The following HMGB3 variants were observed in gnomAD, a reference collection of about 807,000 sequenced individuals.
The protein encoded by HMGB3 is high mobility group box 3.
HMGB3 carries 1 observed loss-of-function variant against 12.9 expected under a neutral mutation model. The ratio of observed to expected loss-of-function variants is 0.08; its 90% CI spans 0.03 to 0.37. The LOEUF (loss-of-function observed/expected upper bound fraction) is 0.37, where lower values mean the gene tolerates loss of function less well. Ranked by LOEUF, HMGB3 falls within the 10% of genes least tolerant of loss-of-function variation. HMGB3 has a pLI of 0.99. For synonymous variants in HMGB3, 61 were observed against 53.9 expected (o/e 1.13, Z -0.57); for missense variants, 74 against 153.3 (o/e 0.48, Z 2.73).
intron 1 of HMGB3, 167 bp downstream of exon 1, chrX:150,983,543 C>G: frequency 1.3e-6 from 1 of 744,537 alleles, no homozygotes; most frequent in Non-Finnish European, 1.6e-6. Context: ...CTTCCCGCCC[C>G]CTCCGCCTTC....
At position 150,985,371 on chromosome X, in the gene HMGB3, A is replaced by G. The variant is rs142676597; in HGVS notation, c.-5-224A>G. 7.6e-4 allele frequency among the ~76,000 whole-genome samples: 85 copies of G among 112,064 alleles called. No homozygotes were observed. In the East Asian group the frequency reaches 0.021, roughly 28 times the overall value. ...TGATCGCTTTTGAGAAGTAACTCGCAAACCAGCGCGCTTCGTGCTGGTCAA... is the reference window on the plus strand; with the variant it reads ...TGATCGCTTTTGAGAAGTAACTCGCGAACCAGCGCGCTTCGTGCTGGTCAA... On this transcript the variant is annotated intron_variant, in intron 1 of 4. Transcript: ENST00000325307.
At chrX:150,985,511 C>A in intron 1 of HMGB3, 84 bp from the exon 2 acceptor site, 1 of 761,810 alleles carries the variant, frequency 1.3e-6, no homozygotes, top group Non-Finnish European at 1.8e-6. Context: ...TTTAGTTTTG[C>A]TCTGCCTTTG....
chrX:150,984,109 GGGCGGAGCGGTCGGCGGGGCGCCC>G (rs1258991639), intron 1 of HMGB3, among the ~76,000 whole-genome samples: 2 of 100,307 alleles, frequency 2.0e-5, no homozygotes, highest in African/African-American at 7.0e-5. Flanking sequence ...CAGGGGAGGC[GGGCGGAGCGGTCGGCGGGGCGCCC>G]GGCGGGCTCC....
At position 150,989,467 on chromosome X, in the gene HMGB3, C is replaced by T. The variant is rs2048090792; in HGVS notation, c.*1553C>T. ...GAATGGCCTGCTCATAAGTTTAGCT[C>T]ATTCACTGGAAATGTAGATTGATGT... On this transcript the variant is annotated 3_prime_UTR_variant, in exon 5 of 5. Coordinates refer to ENST00000325307, the MANE Select transcript of HMGB3 (RefSeq NM_005342.4). The T allele has an allele frequency of 8.9e-6, 1 of 111,825 alleles. No homozygotes were observed. Among genetic ancestry groups the T allele is most frequent in the South Asian group, 3.7e-4 (1 of 2,684 alleles). 9.2% of individuals were successfully genotyped at this position (111,825 alleles called of 1,213,427 possible). A position where few individuals can be genotyped will look rare whatever the true frequency, so the allele number is the denominator to read the frequency against.
rs1342052588 is a variant in HMGB3 at position 150,985,907 on chromosome X, AT to A, written c.151-137del. On this transcript the variant is annotated intron_variant, in intron 2 of 4. Transcript: ENST00000325307. ...TTAAGAATTTTGTGTGTGTGCTTTT[AT>A]TTTTTTAAGGCCCTGCACAGGTTTC... 9.7e-6 allele frequency: 8 copies of A among 827,897 alleles called. No homozygotes were observed. The Admixed American group carries it at 2.2e-4, about 23-fold the overall frequency. The allele number at this position is 827,897 out of a possible 1,213,427, so 68.2% of individuals were successfully genotyped here. A position where few individuals can be genotyped will look rare whatever the true frequency, so the allele number is the denominator to read the frequency against.
Position 150,987,884 on chromosome X carries a change from A to G in HMGB3, c.573A>G (p.Glu191=), listed in dbSNP as rs781977782. 7 of 1,177,124 alleles carry G rather than the reference A, an allele frequency of 5.9e-6. No individual in the cohort carries two copies. In the Admixed American group the frequency reaches 6.6e-5, roughly 11 times the overall value. ...EEEDEEEEEE[E]EEEEEEEDE is the part of the protein sequence containing the mutation. ...AAGATGAAGAAGAGGAGGAGGAAGAAGAGGAGGAGGAGGAGGAGGAGGATG... is the reference window on the plus strand; with the variant it reads ...AAGATGAAGAAGAGGAGGAGGAAGAGGAGGAGGAGGAGGAGGAGGAGGATG... Residue 191 remains glutamate, a synonymous_variant, in exon 5 of 5, where the codon GAA becomes GAG. Transcript: ENST00000325307.
intron 1 of HMGB3, among the ~76,000 whole-genome samples, chrX:150,984,338 GGGCGGGGTGGGGGCCGACGGGCGGGC>G (rs2048026609): frequency 1.0e-5 from 1 of 96,054 alleles, no homozygotes; most frequent in Non-Finnish European, 2.1e-5. Flanking sequence ...GGGCGGGGCG[GGGCGGGGTGGGGGCCGACGGGCGGGC>G]GGCGGCGGCG....
chrX:150,983,763 T>G (rs1398443793), intron 1 of HMGB3, among the ~76,000 whole-genome samples: 3 of 106,413 alleles, frequency 2.8e-5, no homozygotes, highest in African/African-American at 1.0e-4. Flanking sequence ...GAGGGGCGGC[T>G]GCGGGCTGTG....
intron 1 of HMGB3, among the ~76,000 whole-genome samples, chrX:150,984,170 G>C (rs1190899872): frequency 1.0e-5 from 1 of 98,047 alleles, no homozygotes. Context: ...CCCGCGGCCC[G>C]GGGCGGGCGG....
At chrX:150,983,725 A>T in intron 1 of HMGB3, 5 of 262,146 alleles carry the variant, frequency 1.9e-5, no homozygotes, top group Non-Finnish European at 2.6e-5. Context: ...ATGTTTGGGC[A>T]GCTGCGGCTG....
chrX:150,984,861 T>G (rs2048035594), intron 1 of HMGB3, among the ~76,000 whole-genome samples: 1 of 111,983 alleles, frequency 8.9e-6, no homozygotes. Context: ...GACGATGACA[T>G]GCCGCAGCTG....
intron 3 of HMGB3, among the ~76,000 whole-genome samples, chrX:150,986,391 GT>G (rs2048052232): frequency 1.8e-5 from 2 of 110,062 alleles, no homozygotes. Context: ...AGGCTGAAGT[GT>G]TTGTGGGCTG....
intron 1 of HMGB3, among the ~76,000 whole-genome samples, chrX:150,985,129 C>T (rs184717256): frequency 4.5e-5 from 5 of 111,632 alleles, no homozygotes; most frequent in African/African-American, 1.6e-4. Flanking sequence ...CTGCTTTGGT[C>T]TTGTGTTCAG....
chrX:150,982,745 G>A (rs2047999845), upstream of HMGB3, among the ~76,000 whole-genome samples: 1 of 113,330 alleles, frequency 8.8e-6, no homozygotes, highest in Non-Finnish European at 1.9e-5. Context: ...GATAGGCAGC[G>A]AGATCCGAGG....
At chrX:150,987,743 C>G in intron 4 of HMGB3, 34 bp from the exon 5 acceptor site, 1 of 1,131,400 alleles carries the variant, frequency 8.8e-7, no homozygotes, top group African/African-American at 1.8e-5. Flanking sequence ...AAAACAGCCG[C>G]ATACTCATTT....
chrX:150,981,464 A>G (rs1463359650), upstream of HMGB3, among the ~76,000 whole-genome samples: 8 of 82,345 alleles, frequency 9.7e-5, no homozygotes, highest in Non-Finnish European at 1.9e-4. Context: ...CAAAAGCAGC[A>G]CTATCTCTGC....
chrX:150,988,121 T>G lies in HMGB3; in HGVS notation c.*207T>G, dbSNP rs2048074041. 1 of 402,232 alleles carries G rather than the reference T, an allele frequency of 2.5e-6. No homozygotes were observed. Among genetic ancestry groups the G allele is most frequent in the African/African-American group, 2.5e-5 (1 of 40,812 alleles). The allele number at this position is 402,232 out of a possible 1,213,427, so 33.1% of individuals were successfully genotyped here. A position where few individuals can be genotyped will look rare whatever the true frequency, so the allele number is the denominator to read the frequency against. ...GGGTGTCTGGAGCACCCTGAAACTG[T>G]ATCAAAGTTGTACATATTTCCAAAC... is the stretch of plus-strand genomic sequence containing the variant. On this transcript the variant is annotated 3_prime_UTR_variant, in exon 5 of 5. Coordinates refer to ENST00000325307, the MANE Select transcript of HMGB3 (RefSeq NM_005342.4).
rs1473840657 is a variant in HMGB3, at chrX:150,988,822, C to T, written c.*908C>T. 1 of 112,314 alleles carries T rather than the reference C, an allele frequency of 8.9e-6. No individual in the cohort carries two copies. Among genetic ancestry groups the T allele is most frequent in the African/African-American group, 3.2e-5 (1 of 30,851 alleles). 9.3% of individuals were successfully genotyped at this position (112,314 alleles called of 1,213,427 possible). A position where few individuals can be genotyped will look rare whatever the true frequency, so the allele number is the denominator to read the frequency against. ...TGACTCACAGCAGTGAACAAACCCC[C>T]ACTCCATTGTATTTGGAGACTGGCC... On this transcript the variant is annotated 3_prime_UTR_variant, in exon 5 of 5. Coordinates refer to ENST00000325307, the MANE Select transcript of HMGB3 (RefSeq NM_005342.4).
chrX:150,983,694 A>G, intron 1 of HMGB3: 1 of 456,497 alleles, frequency 2.2e-6, no homozygotes, highest in Non-Finnish European at 2.7e-6. Context: ...GCAGCCGGGA[A>G]CCCAGGGCCC....
Sources: allele counts gnomAD v4.1 joint callset (sites outside exome capture counted in the v4.1 genomes callset), GRCh38; gene constraint gnomAD v4.1.1; transcripts MANE v1.5; gene names NCBI Gene and HGNC (gene_info 2026-07-23, HGNC 2026-07-21).